The following ASH1L variants were observed in gnomAD, a reference collection of about 807,000 sequenced individuals.
The protein encoded by ASH1L is ASH1 like histone lysine methyltransferase.
Under a neutral mutation model 269.0 loss-of-function variants are expected in ASH1L, and 23 were observed. That is an observed-to-expected ratio of 0.09 (90% confidence interval 0.06 to 0.12). The LOEUF is 0.12. ASH1L is among the 10% of genes least tolerant of loss of function. The probability of loss-of-function intolerance (pLI) is 1.00; values close to 1 mark genes in which losing one functional copy is unlikely to be tolerated. For missense variants in ASH1L, 2,912 were observed against 3,567.8 expected, an observed-to-expected ratio of 0.82 and a Z score of 4.68; for synonymous variants, 1,187 against 1,253.5, an observed-to-expected ratio of 0.95 and a Z score of 1.12.
rs532771104 is a variant in ASH1L, at chr1:155,443,916, ACATTTT to A, written c.5087-4854_5087-4849del. On this transcript the variant is annotated intron_variant, in intron 4 of 27. Coordinates refer to ENST00000392403, the MANE Select transcript of ASH1L (RefSeq NM_018489.3). Reference sequence around the variant, plus strand: ...TATCCTATGAACATGTGTGCACATGACATTTTGTTTAAACATATTTTCATTTCTCTT... The same window carrying A: ...TATCCTATGAACATGTGTGCACATGAGTTTAAACATATTTTCATTTCTCTT... 5.7e-3 allele frequency among the ~76,000 whole-genome samples: 859 copies of A among 151,720 alleles called. 5 individuals carry two copies. The highest frequency in any genetic ancestry group is 0.02 in the African/African-American group (808 of 41,206).
At chr1:155,414,855 T>C (rs954003451) in intron 6 of ASH1L, among the ~76,000 whole-genome samples, 2 of 152,194 alleles carry the variant, frequency 1.3e-5, no homozygotes, top group Non-Finnish European at 1.5e-5. Flanking sequence ...TCTTAATTGA[T>C]GATAATTTGC....
intron 2 of ASH1L, among the ~76,000 whole-genome samples, chr1:155,492,398 C>T (rs1418551968): frequency 6.6e-6 from 1 of 152,160 alleles, no homozygotes; most frequent in African/African-American, 2.4e-5. Flanking sequence ...CTTCACTACA[C>T]TTTCAATTAA....
intron 3 of ASH1L, among the ~76,000 whole-genome samples, chr1:155,475,243 T>C (rs1265559791): frequency 2.6e-5 from 4 of 152,140 alleles, no homozygotes; most frequent in African/African-American, 9.7e-5. Context: ...TTCAAGCGAT[T>C]CTCCTGCCTC....
At chr1:155,352,420 C>T (rs187173286) in intron 17 of ASH1L, among the ~76,000 whole-genome samples, 1 of 151,806 alleles carries the variant, frequency 6.6e-6, no homozygotes, top group Admixed American at 6.6e-5. Flanking sequence ...CAGTTTGGTC[C>T]CCATTTTTCT....
At chr1:155,349,231 A>T (rs1231186992) in intron 19 of ASH1L, 96 bp downstream of exon 19, 21 of 1,398,826 alleles carry the variant, frequency 1.5e-5, no homozygotes, top group Non-Finnish European at 2.0e-5. Context: ...TCCAACCAGA[A>T]ATATGGCTGA....
chr1:155,507,942 C>T (rs1378964328), intron 2 of ASH1L, among the ~76,000 whole-genome samples: 1 of 151,856 alleles, frequency 6.6e-6, no homozygotes, highest in Non-Finnish European at 1.5e-5. Context: ...CCTTTGTGTA[C>T]CTCCTCAACT....
chr1:155,414,660 G>A (rs1049790527), intron 6 of ASH1L, among the ~76,000 whole-genome samples: 14 of 152,102 alleles, frequency 9.2e-5, no homozygotes, highest in Non-Finnish European at 1.9e-4. Context: ...ATGGTTATAT[G>A]TTCCTCATCA....
chr1:155,353,727 A>C (rs1654122776), intron 16 of ASH1L, among the ~76,000 whole-genome samples: 1 of 152,048 alleles, frequency 6.6e-6, no homozygotes, highest in African/African-American at 2.4e-5. Context: ...TCCCCCACTG[A>C]ATCTGAATGT....
intron 2 of ASH1L, among the ~76,000 whole-genome samples, chr1:155,494,946 G>C (rs1375559271): frequency 6.6e-6 from 1 of 152,110 alleles, no homozygotes; most frequent in East Asian, 1.9e-4. Context: ...GAGAGAGAGA[G>C]AGAGAGAGAA....
Position 155,433,374 on chromosome 1 carries a change from C to T in ASH1L, c.5828+4953G>A, listed in dbSNP as rs530496991. On this transcript the variant is annotated intron_variant, in intron 5 of 27. Coordinates refer to ENST00000392403, the MANE Select transcript of ASH1L (RefSeq NM_018489.3). ...GTGTGGGGGATTCCCCCATGCCCCCCGCTGTATGAGTTCTGTGGGGGGATG... is the reference window on the plus strand; with the variant it reads ...GTGTGGGGGATTCCCCCATGCCCCCTGCTGTATGAGTTCTGTGGGGGGATG... 1.7e-5 allele frequency: 27 copies of T among 1,598,478 alleles called. 1 individual carries two copies. Among genetic ancestry groups the T allele is most frequent in the South Asian group, 3.4e-5 (3 of 88,576 alleles).
chr1:155,523,113 C>T (rs1426176424), intron 1 of ASH1L, among the ~76,000 whole-genome samples: 4 of 152,108 alleles, frequency 2.6e-5, no homozygotes, highest in Non-Finnish European at 5.9e-5. Flanking sequence ...ATCTGGAAAA[C>T]GGAGAACATC....
intron 3 of ASH1L, among the ~76,000 whole-genome samples, chr1:155,463,172 A>AT (rs1664428016): frequency 6.6e-6 from 1 of 152,124 alleles, no homozygotes; most frequent in Non-Finnish European, 1.5e-5. Context: ...GAGAACTAGT[A>AT]TGTCCAATTC....
rs991065340 is a variant in ASH1L, at chr1:155,539,441, T to TTA, written c.-99-17825_-99-17824dup. Among the ~76,000 whole-genome samples the TTA allele has an allele frequency of 3.7e-3, 364 of 99,202 alleles. 2 individuals carry two copies. Among genetic ancestry groups the TTA allele is most frequent in the East Asian group, 0.024 (110 of 4,532 alleles). 65.1% of individuals were successfully genotyped at this position (99,202 alleles called of 152,430 possible). A position where few individuals can be genotyped will look rare whatever the true frequency, so the allele number is the denominator to read the frequency against. ...GCTACATCCAGAAAGGTGTTTTATT[T>TTA]TATATATATATATATATTTTGTTCT... On this transcript the variant is annotated intron_variant, in intron 1 of 27. Coordinates refer to ENST00000392403, the MANE Select transcript of ASH1L (RefSeq NM_018489.3).
chr1:155,346,224 C>A, intron 21 of ASH1L, 159 bp downstream of exon 21: 1 of 1,544,264 alleles, frequency 6.5e-7, no homozygotes. Context: ...TAGGGAAGAA[C>A]AGAATTATGA....
At chr1:155,497,255 ACAG>A (rs1360111487) in intron 2 of ASH1L, among the ~76,000 whole-genome samples, 1 of 152,230 alleles carries the variant, frequency 6.6e-6, no homozygotes, top group African/African-American at 2.4e-5. Context: ...GTTAGTCACA[ACAG>A]CCAAAAGCAG....
intron 1 of ASH1L, among the ~76,000 whole-genome samples, chr1:155,532,325 C>G (rs902639483): frequency 4.6e-5 from 7 of 152,076 alleles, no homozygotes; most frequent in Admixed American, 2.0e-4. Context: ...AAGGAAATTA[C>G]TAATTATATT....
In ASH1L at chr1:155,482,043, A is replaced by T; in HGVS notation, c.827T>A (p.Ile276Asn). ...IHKDLIKKPT[I>N]STAVGLVTKD... is the part of the protein sequence containing the mutation. ...AGTTACCAATCCAACTGCTGTGCTG[A>T]TGGTTGGCTTTTTTATTAAGTCCTT... is the stretch of plus-strand genomic sequence containing the variant. Residue 276 changes from isoleucine to asparagine, a missense_variant, in exon 3 of 28, where the codon ATC becomes AAC. By Grantham distance (149) the Ile-to-Asn change is moderately radical. Around this residue, in one of 13 missense-constraint regions of ASH1L, gnomAD observed 277 missense variants for 367.7 expected, o/e 0.75. Coordinates refer to ENST00000392403, the MANE Select transcript of ASH1L (RefSeq NM_018489.3). The T allele has an allele frequency of 1.9e-6, 3 of 1,614,080 alleles. No individual in the cohort carries two copies. The highest frequency in any genetic ancestry group is 2.5e-6 in the Non-Finnish European group (3 of 1,179,992).
intron 12 of ASH1L, among the ~76,000 whole-genome samples, chr1:155,369,031 T>G (rs1655687414): frequency 6.6e-6 from 1 of 152,160 alleles, no homozygotes; most frequent in South Asian, 2.1e-4. Context: ...TTTGGGGGAT[T>G]GGGAGATTGA....
At chr1:155,400,909 C>CA (rs1658781492) in intron 6 of ASH1L, among the ~76,000 whole-genome samples, 1 of 151,880 alleles carries the variant, frequency 6.6e-6, no homozygotes, top group Non-Finnish European at 1.5e-5. Flanking sequence ...CCTGTAATCC[C>CA]AGCACTTTGG....
Sources: gnomAD v4.1 joint callset for allele counts (sites outside exome capture counted in the v4.1 genomes callset) on GRCh38, gnomAD v4.1.1 for gene constraint, gnomAD v4.1.1 regional missense constraint, MANE v1.5 for transcripts, NCBI Gene and HGNC (gene_info 2026-07-23, HGNC 2026-07-21) for gene names.